The following RGS9 variants were observed in gnomAD, a reference collection of about 807,000 sequenced individuals.
RGS9 encodes regulator of G-protein signalling 9.
Under a neutral mutation model 102.0 loss-of-function variants are expected in RGS9, and 78 were observed. That is an observed-to-expected ratio of 0.76 (90% confidence interval 0.64 to 0.92). The LOEUF is 0.92. Ranked by LOEUF, RGS9 falls within the 40% of genes least tolerant of loss-of-function variation. The probability of loss-of-function intolerance (pLI) is 0.00; values close to 1 mark genes in which losing one functional copy is unlikely to be tolerated. For synonymous variants in RGS9, 353 were observed against 318.6 expected (o/e 1.11, Z -1.15); for missense variants, 833 against 866.1 (o/e 0.96, Z 0.48).
intron 9 of RGS9, among the ~76,000 whole-genome samples, chr17:65,179,316 C>A (rs1273639884): frequency 6.6e-6 from 1 of 152,170 alleles, no homozygotes; most frequent in Non-Finnish European, 1.5e-5. Flanking sequence ...GCTGGAGAGA[C>A]CCTTCCTTTG....
intron 3 of RGS9, chr17:65,158,598 G>T: frequency 1.7e-6 from 1 of 573,836 alleles, no homozygotes. Flanking sequence ...AGAAAGTCCT[G>T]GAGGGGGTGC....
intron 16 of RGS9, among the ~76,000 whole-genome samples, chr17:65,209,596 G>A (rs1335583367): frequency 6.6e-6 from 1 of 152,206 alleles, no homozygotes; most frequent in African/African-American, 2.4e-5. Flanking sequence ...GGCAGGGAGA[G>A]TTTGGTTCCA....
chr17:65,218,338 A>G (rs1029562496), intron 17 of RGS9, among the ~76,000 whole-genome samples: 3 of 152,248 alleles, frequency 2.0e-5, no homozygotes, highest in African/African-American at 4.8e-5. Flanking sequence ...CCCGCTTGCT[A>G]TCAGCTTCCA....
Position 65,190,222 on chromosome 17 carries a change from T to A in RGS9, c.732T>A (p.Ser244=). The A allele has an allele frequency of 1.2e-6, 2 of 1,613,474 alleles. No homozygotes were observed. The highest frequency in any genetic ancestry group is 1.7e-6 in the Non-Finnish European group (2 of 1,179,364). ...TGATGAGGTCCACAGTGAAGTCTTC[T>A]GTGTCCCTGGGAGGGTATGTCCCTG... ...QALMRSTVKS[S]VSLGGIVKYS... Residue 244 remains serine (S), a synonymous_variant, in exon 11 of 19, where the codon TCT becomes TCA. Transcript: ENST00000262406.
intron 10 of RGS9, among the ~76,000 whole-genome samples, chr17:65,189,613 A>G (rs965925619): frequency 1.3e-5 from 2 of 152,122 alleles, no homozygotes; most frequent in African/African-American, 4.8e-5. Flanking sequence ...TACATCCCCA[A>G]CGTGGCCCCT....
intron 17 of RGS9, among the ~76,000 whole-genome samples, chr17:65,217,703 T>C (rs550336741): frequency 1.3e-5 from 2 of 151,750 alleles, no homozygotes; most frequent in Non-Finnish European, 2.9e-5. Context: ...GTTTGCCAAA[T>C]GAGGGGATGA....
chr17:65,211,174 A>G (rs1325383689), intron 17 of RGS9, among the ~76,000 whole-genome samples: 1 of 152,190 alleles, frequency 6.6e-6, no homozygotes, highest in Non-Finnish European at 1.5e-5. Flanking sequence ...TCTAATTTAG[A>G]CTATTGTTTC....
At chr17:65,208,748 C>T (rs1195487818) in intron 16 of RGS9, among the ~76,000 whole-genome samples, 2 of 152,082 alleles carry the variant, frequency 1.3e-5, no homozygotes, top group East Asian at 1.9e-4. Flanking sequence ...TGACTGTTCC[C>T]CTGTTTGCTG....
At chr17:65,168,634 G>A (rs926028981) in intron 8 of RGS9, among the ~76,000 whole-genome samples, 4 of 151,444 alleles carry the variant, frequency 2.6e-5, no homozygotes, top group African/African-American at 9.7e-5. Context: ...CCCAATGGAG[G>A]CGCCAATGCA....
intron 17 of RGS9, among the ~76,000 whole-genome samples, chr17:65,219,478 C>T (rs59173947): frequency 0.15 from 23,516 of 152,162 alleles, 2,725 homozygotes; most frequent in African/African-American, 0.33. Context: ...ATTTAAATCA[C>T]TATGAAAATC....
In RGS9 at chr17:65,160,607, C is replaced by T. The variant is rs1341839499; in HGVS notation, c.364+20C>T. On this transcript the variant is annotated intron_variant, in intron 5 of 18. Coordinates refer to ENST00000262406, the MANE Select transcript of RGS9 (RefSeq NM_003835.4). ...ATTACGGTAAATACTTCAGCCCCAA[C>T]TATGCCTTTGGTAGTGCTTAACATG... 3.1e-6 allele frequency: 5 copies of T among 1,613,468 alleles called. No individual in the cohort carries two copies. Among genetic ancestry groups the T allele is most frequent in the Admixed American group, 1.7e-5 (1 of 60,000 alleles).
chr17:65,175,520 C>A (rs1311672457), intron 8 of RGS9, among the ~76,000 whole-genome samples: 1 of 152,130 alleles, frequency 6.6e-6, no homozygotes, highest in Non-Finnish European at 1.5e-5. Context: ...TGGCTACCTC[C>A]CCCTTGAGAC....
chr17:65,199,474 C>G (rs2869577), intron 13 of RGS9, among the ~76,000 whole-genome samples: 17,716 of 147,140 alleles, frequency 0.12, 2,192 homozygotes, highest in East Asian at 0.3. Flanking sequence ...CAGCATATAA[C>G]AGCGCTTCTG....
At chr17:65,188,924 T>C in intron 9 of RGS9, 1 of 277,094 alleles carries the variant, frequency 3.6e-6, no homozygotes, top group East Asian at 8.6e-5. Flanking sequence ...CTTCCCCATT[T>C]TTCTCTTAAT....
At chr17:65,194,449 T>C (rs1598605468) in intron 12 of RGS9, among the ~76,000 whole-genome samples, 1 of 152,244 alleles carries the variant, frequency 6.6e-6, no homozygotes, top group African/African-American at 2.4e-5. Flanking sequence ...GGTGACTCTA[T>C]GTTTAACAAC....
chr17:65,177,627 C>A, intron 8 of RGS9, 105 bp from the exon 9 acceptor site: 2 of 1,143,754 alleles, frequency 1.7e-6, no homozygotes, highest in Non-Finnish European at 2.7e-6. Context: ...GCCACAAGCT[C>A]TTCTCAGCTC....
At chr17:65,188,509 A>G (rs1028049238) in intron 9 of RGS9, among the ~76,000 whole-genome samples, 1 of 152,198 alleles carries the variant, frequency 6.6e-6, no homozygotes, top group Non-Finnish European at 1.5e-5. Flanking sequence ...TGTTATGACT[A>G]CTTGGGGAAT....
chr17:65,173,123 T>C lies in RGS9; in HGVS notation c.583-4609T>C, dbSNP rs1453071995. On this transcript the variant is annotated intron_variant, in intron 8 of 18. Transcript: ENST00000262406. This position sits in a 1 kb window ranked among gnomAD's most constrained non-coding sequence, Gnocchi z 4.8. ...ATCTTTAGTAGAGATGGGTTTTCACTGTGTTGGCCAGGCTGGTCTCGAACT... is the reference window on the plus strand; with the variant it reads ...ATCTTTAGTAGAGATGGGTTTTCACCGTGTTGGCCAGGCTGGTCTCGAACT... Among the ~76,000 whole-genome samples, 2 of 151,616 alleles carry C rather than the reference T, an allele frequency of 1.3e-5. No homozygotes were observed. The highest frequency in any genetic ancestry group is 3.2e-3 in the Middle Eastern group (1 of 316).
At chr17:65,156,126 C>T (rs1300841907) in intron 2 of RGS9, among the ~76,000 whole-genome samples, 4 of 152,138 alleles carry the variant, frequency 2.6e-5, no homozygotes, top group South Asian at 2.1e-4. Context: ...TGGGTTCAAG[C>T]GATTCTCATG....
Sources: gnomAD v4.1 joint callset for allele counts (sites outside exome capture counted in the v4.1 genomes callset) on GRCh38, gnomAD v4.1.1 for gene constraint, Gnocchi (gnomAD v3.1) non-coding constraint, MANE v1.5 for transcripts, NCBI Gene and HGNC (gene_info 2026-07-23, HGNC 2026-07-21) for gene names.